EDA: variants seen among roughly 807,000 people sequenced by gnomAD.
The protein encoded by EDA is ectodysplasin A, also known as ectodysplasin-A.
A neutral mutation model predicts 23.6 loss-of-function variants in EDA; 2 were observed. The ratio of observed to expected loss-of-function variants is 0.08; its 90% CI spans 0.03 to 0.27. EDA has a LOEUF of 0.27. Among genes scored for constraint, EDA ranks in the 10% least tolerant of loss-of-function variants. The pLI is 1.00. For missense variants in EDA, 229 were observed against 324.2 expected (o/e 0.71, Z 2.26); for synonymous variants, 131 against 132.0 (o/e 0.99, Z 0.05).
At chrX:69,795,709 T>G (rs2015524746) in intron 1 of EDA, among the ~76,000 whole-genome samples, 1 of 112,674 alleles carries the variant, frequency 8.9e-6, no homozygotes, top group Non-Finnish European at 1.9e-5. Flanking sequence ...CACACTGGCC[T>G]AGGCTGTCAC....
intron 1 of EDA, among the ~76,000 whole-genome samples, chrX:69,777,742 A>G (rs765808680): frequency 8.9e-6 from 1 of 111,752 alleles, no homozygotes; most frequent in East Asian, 2.8e-4. Context: ...TGGCCCCCAA[A>G]TTATTAAAGT....
chrX:69,976,511 A>G (rs894611576), intron 2 of EDA, among the ~76,000 whole-genome samples: 1 of 112,194 alleles, frequency 8.9e-6, no homozygotes, highest in African/African-American at 3.2e-5. Context: ...GTGAACTAAA[A>G]TTAGTGTTTT....
intron 1 of EDA, among the ~76,000 whole-genome samples, chrX:69,806,859 C>A (rs930835562): frequency 1.8e-5 from 2 of 110,349 alleles, no homozygotes; most frequent in African/African-American, 6.6e-5. Context: ...ATAGCTGGAA[C>A]ATAGAAAGAA....
At chrX:69,717,749 G>A (rs2012404274) in intron 1 of EDA, among the ~76,000 whole-genome samples, 1 of 110,644 alleles carries the variant, frequency 9.0e-6, no homozygotes, top group African/African-American at 3.3e-5. Flanking sequence ...TTGATCTCCT[G>A]ACCTCCTGAT....
chrX:69,903,115 G>T (rs752233024), intron 1 of EDA, among the ~76,000 whole-genome samples: 2 of 111,545 alleles, frequency 1.8e-5, no homozygotes, highest in Non-Finnish European at 3.8e-5. Flanking sequence ...ATCCCTCAGG[G>T]TCTTACTTCA....
intron 1 of EDA, among the ~76,000 whole-genome samples, chrX:69,897,194 A>G (rs1243845929): frequency 9.0e-6 from 1 of 110,978 alleles, no homozygotes; most frequent in Non-Finnish European, 1.9e-5. Flanking sequence ...TAAAGCTTCT[A>G]GAAACTTTGA....
intron 1 of EDA, among the ~76,000 whole-genome samples, chrX:69,823,520 C>G (rs1208045574): frequency 1.4e-5 from 1 of 69,176 alleles, no homozygotes; most frequent in Non-Finnish European, 2.5e-5. Context: ...TGTTCATATC[C>G]TTTGCCCACT....
intron 1 of EDA, among the ~76,000 whole-genome samples, chrX:69,848,450 G>T (rs1381727456): frequency 1.8e-5 from 2 of 110,371 alleles, no homozygotes; most frequent in Non-Finnish European, 3.8e-5. Context: ...AAACTTTCTG[G>T]CATGATAGTT....
chrX:69,893,459 G>A (rs1451453194), intron 1 of EDA, among the ~76,000 whole-genome samples: 1 of 111,811 alleles, frequency 8.9e-6, no homozygotes, highest in Non-Finnish European at 1.9e-5. Context: ...TCCAAGACAG[G>A]TTTAGTTACT....
intron 1 of EDA, among the ~76,000 whole-genome samples, chrX:69,760,784 C>T (rs980338148): frequency 3.7e-4 from 41 of 111,594 alleles, no homozygotes; most frequent in Admixed American, 1.1e-3. Flanking sequence ...TCTTAGCAGA[C>T]GGATCAAGGA....
intron 1 of EDA, among the ~76,000 whole-genome samples, chrX:69,786,617 A>G (rs1318373437): frequency 9.1e-6 from 1 of 109,392 alleles, no homozygotes; most frequent in Non-Finnish European, 1.9e-5. Flanking sequence ...GAGATTCTTA[A>G]TCCTGAGTTC....
At chrX:69,928,177 C>A (rs2147672810) in intron 1 of EDA, among the ~76,000 whole-genome samples, 1 of 111,079 alleles carries the variant, frequency 9.0e-6, no homozygotes, top group Admixed American at 9.6e-5. Flanking sequence ...CTCTATCGAG[C>A]AAACTACCAA....
At chrX:69,648,744 C>T (rs1021362018) in intron 1 of EDA, among the ~76,000 whole-genome samples, 61 of 111,745 alleles carry the variant, frequency 5.5e-4, no homozygotes, top group African/African-American at 1.9e-3. Flanking sequence ...ACCCCCCTTC[C>T]TAGGGACATG....
intron 2 of EDA, among the ~76,000 whole-genome samples, chrX:69,978,950 A>T (rs1241102396): frequency 1.8e-5 from 2 of 111,597 alleles, no homozygotes; most frequent in African/African-American, 6.5e-5. Context: ...TATACAATTC[A>T]GTGTCACTGA....
At chrX:69,886,543 G>A (rs1367828297) in intron 1 of EDA, among the ~76,000 whole-genome samples, 1 of 111,347 alleles carries the variant, frequency 9.0e-6, no homozygotes. Flanking sequence ...GCATGCCAAG[G>A]TACCCACTCA....
At chrX:69,961,873 G>T (rs1345189288) in intron 2 of EDA, among the ~76,000 whole-genome samples, 1 of 112,029 alleles carries the variant, frequency 8.9e-6, no homozygotes, top group Non-Finnish European at 1.9e-5. Context: ...AGAAATCTGT[G>T]CCAGGATTTC....
chrX:69,833,593 G>T (rs1957189307), intron 1 of EDA, among the ~76,000 whole-genome samples: 2 of 110,465 alleles, frequency 1.8e-5, no homozygotes, highest in African/African-American at 6.6e-5. Context: ...TTTTTCTACT[G>T]ATTGGAGTCA....
At chrX:69,944,649 G>A (rs1222745672) in intron 1 of EDA, among the ~76,000 whole-genome samples, 9 of 111,240 alleles carry the variant, frequency 8.1e-5, no homozygotes, top group African/African-American at 1.3e-4. Context: ...TTGAGGGAGG[G>A]GTGATGCAAG....
At chrX:69,655,716 G>A (rs1479706786) in intron 1 of EDA, among the ~76,000 whole-genome samples, 1 of 89,776 alleles carries the variant, frequency 1.1e-5, no homozygotes, top group Non-Finnish European at 2.1e-5. Flanking sequence ...TGGTGGAGGG[G>A]GACTATCTTG....
Sources: allele counts gnomAD v4.1 joint callset (sites outside exome capture counted in the v4.1 genomes callset), GRCh38; gene constraint gnomAD v4.1.1; transcripts MANE v1.5; gene names NCBI Gene and HGNC (gene_info 2026-07-23, HGNC 2026-07-21).